CCDC39: variants seen among roughly 807,000 people sequenced by gnomAD.
The protein encoded by CCDC39 is coiled-coil domain 39 molecular ruler complex subunit, also known as coiled-coil domain-containing protein 39.
In CCDC39, 113 loss-of-function variants were observed where a neutral mutation model predicts 121.0. The observed-to-expected ratio is 0.93, with a 90% CI of 0.80 to 1.09. CCDC39 has a LOEUF of 1.09. Among genes scored for constraint, CCDC39 ranks in the 50% least tolerant of loss-of-function variants. The pLI is 0.00. For missense variants in CCDC39, 1,063 were observed against 1,074.7 expected (o/e 0.99, Z 0.15); for synonymous variants, 349 against 352.2 (o/e 0.99, Z 0.10).
chr3:180,672,091 G>C (rs904418940), intron 1 of CCDC39, among the ~76,000 whole-genome samples: 2 of 152,128 alleles, frequency 1.3e-5, no homozygotes, highest in South Asian at 2.1e-4. Context: ...TGACTCTTAG[G>C]GGCTAATGCA....
chr3:180,664,521 T>C (rs1026890420), intron 1 of CCDC39, among the ~76,000 whole-genome samples: 3 of 152,164 alleles, frequency 2.0e-5, no homozygotes, highest in African/African-American at 7.2e-5. Context: ...TGTTATAAAA[T>C]AGTGTTGTGA....
intron 11 of CCDC39, among the ~76,000 whole-genome samples, chr3:180,645,046 A>C (rs998661520): frequency 1.3e-4 from 20 of 152,300 alleles, no homozygotes; most frequent in African/African-American, 4.8e-4. Context: ...TCTTAGAATC[A>C]GATGGCTTTA....
At chr3:180,657,736 G>A (rs986557297) in intron 6 of CCDC39, among the ~76,000 whole-genome samples, 1 of 152,146 alleles carries the variant, frequency 6.6e-6, no homozygotes, top group Non-Finnish European at 1.5e-5. Flanking sequence ...AAACAACTCA[G>A]GAACTCGCTC....
intron 1 of CCDC39, among the ~76,000 whole-genome samples, chr3:180,676,951 A>T (rs1232782827): frequency 6.6e-6 from 1 of 151,108 alleles, no homozygotes; most frequent in East Asian, 2.0e-4. Flanking sequence ...AACAATGCGA[A>T]CACTTGGATA....
intron 13 of CCDC39, among the ~76,000 whole-genome samples, chr3:180,640,762 C>G (rs1238444303): frequency 6.6e-6 from 1 of 151,940 alleles, no homozygotes; most frequent in Non-Finnish European, 1.5e-5. Flanking sequence ...GTCCTATAAA[C>G]AGTATATAAA....
intron 13 of CCDC39, among the ~76,000 whole-genome samples, chr3:180,634,073 C>T (rs1717767985): frequency 6.6e-6 from 1 of 152,138 alleles, no homozygotes. Flanking sequence ...GAGAAGACAA[C>T]CACTCTCTTC....
At chr3:180,652,572 A>G (rs1274485141) in intron 7 of CCDC39, among the ~76,000 whole-genome samples, 1 of 152,140 alleles carries the variant, frequency 6.6e-6, no homozygotes, top group Non-Finnish European at 1.5e-5. Flanking sequence ...CAGATAAGCT[A>G]ATATATATGT....
chr3:180,618,796 C>T (rs1717343811), intron 16 of CCDC39, among the ~76,000 whole-genome samples: 1 of 152,068 alleles, frequency 6.6e-6, no homozygotes, highest in Admixed American at 6.6e-5. Context: ...TTTTCTTAAT[C>T]CAGTCTATCA....
chr3:180,670,869 G>A (rs772204181), intron 1 of CCDC39, among the ~76,000 whole-genome samples: 1 of 152,046 alleles, frequency 6.6e-6, no homozygotes. Flanking sequence ...AGACATGCTT[G>A]CCAGCGTCCC....
At chr3:180,617,047 AT>A in intron 16 of CCDC39, 81 bp from the exon 17 acceptor site, 1 of 760,028 alleles carries the variant, frequency 1.3e-6, no homozygotes, top group Non-Finnish European at 2.0e-6. Context: ...TATTCATTTA[AT>A]TTTAATTCAT....
chr3:180,643,322 GA>G, intron 12 of CCDC39, among the ~76,000 whole-genome samples: 1 of 150,796 alleles, frequency 6.6e-6, no homozygotes, highest in Non-Finnish European at 1.5e-5. Context: ...CTTCCCAGCG[GA>G]AAAAAAATGG....
At chr3:180,650,586 G>A (rs556330651) in intron 9 of CCDC39, among the ~76,000 whole-genome samples, 1 of 152,304 alleles carries the variant, frequency 6.6e-6, no homozygotes, top group East Asian at 1.9e-4. Context: ...GCCAGGCATG[G>A]TGGCTCACAC....
At chr3:180,648,029 T>G (rs1315275641) in intron 10 of CCDC39, 136 bp downstream of exon 10, 2 of 669,884 alleles carry the variant, frequency 3.0e-6, no homozygotes, top group Non-Finnish European at 5.0e-6. Context: ...TGATCTAACA[T>G]GATGTCTCAC....
In CCDC39 at chr3:180,679,251, G is replaced by A; in HGVS notation, c.90+40C>T. 1 of 1,536,534 alleles carries A rather than the reference G, an allele frequency of 6.5e-7. No individual in the cohort carries two copies. Among genetic ancestry groups the A allele is most frequent in the Non-Finnish European group, 9.0e-7 (1 of 1,109,200 alleles). On this transcript the variant is annotated intron_variant, in intron 1 of 19. Transcript: ENST00000476379. This position sits in a 1 kb window ranked among gnomAD's most constrained non-coding sequence, Gnocchi z 4.0. ...GCCAACCAGAAAACGCCCCCAACAGGCTCTCTCTGCTTCCTCCCGCCTGCT... is the reference window on the plus strand; with the variant it reads ...GCCAACCAGAAAACGCCCCCAACAGACTCTCTCTGCTTCCTCCCGCCTGCT...
Position 180,660,626 on chromosome 3 carries a change from C to T in CCDC39, c.460G>A (p.Asp154Asn), listed in dbSNP as rs760038603. The T allele has an allele frequency of 1.2e-6, 2 of 1,602,296 alleles. No individual in the cohort carries two copies. Among genetic ancestry groups the T allele is most frequent in the Non-Finnish European group, 8.5e-7 (1 of 1,173,376 alleles). Residue 154 changes from aspartate to asparagine, a missense_variant, in exon 4 of 20, where the codon GAT becomes AAT. By Grantham distance (23) the Asp-to-Asn change is conservative. Coordinates refer to ENST00000476379, the MANE Select transcript of CCDC39 (RefSeq NM_181426.2). ...TTCTGGAGAGTGAGAGCATCACTAT[C>T]TTTATGAGCTGATTCTTCTAACCAG... ...EAWLEESAHK[D>N]SDALTLQKYA...
intron 19 of CCDC39, 34 bp downstream of exon 19, chr3:180,616,247 A>C: frequency 1.3e-6 from 2 of 1,587,576 alleles, no homozygotes; most frequent in African/African-American, 2.7e-5. Flanking sequence ...CAGCTGTGAG[A>C]GTTAAGCAGA....
At chr3:180,648,809 C>G (rs1718133103) in intron 9 of CCDC39, among the ~76,000 whole-genome samples, 1 of 152,098 alleles carries the variant, frequency 6.6e-6, no homozygotes, top group Non-Finnish European at 1.5e-5. Context: ...CATCATCTCT[C>G]TAGGAGATGA....
intron 13 of CCDC39, among the ~76,000 whole-genome samples, chr3:180,632,131 T>C (rs1717715811): frequency 6.6e-6 from 1 of 152,164 alleles, no homozygotes; most frequent in African/African-American, 2.4e-5. Context: ...TAAGCAAACA[T>C]GCCTAACTTT....
rs368080836 is a variant in CCDC39, at chr3:180,619,666, G to C, written c.2158+145C>G. 7.7e-5 allele frequency: 44 copies of C among 573,760 alleles called. No homozygotes were observed. The East Asian group carries it at 1.2e-3, about 16-fold the overall frequency. The allele number at this position is 573,760 out of a possible 1,614,324, so 35.5% of individuals were successfully genotyped here. A position where few individuals can be genotyped will look rare whatever the true frequency, so the allele number is the denominator to read the frequency against. ...AAAACCACTTAGAAAAAAAAATGTC[G>C]TGGGGGGAGGAAAGAAAAGGGATTA... On this transcript the variant is annotated intron_variant, in intron 15 of 19. Transcript: ENST00000476379.
Sources: gnomAD v4.1 joint callset for allele counts (sites outside exome capture counted in the v4.1 genomes callset) on GRCh38, gnomAD v4.1.1 for gene constraint, Gnocchi (gnomAD v3.1) non-coding constraint, MANE v1.5 for transcripts, NCBI Gene and HGNC (gene_info 2026-07-23, HGNC 2026-07-21) for gene names.